Variants in MS4A15 observed in about 807,000 individuals in gnomAD.
The protein encoded by MS4A15 is membrane spanning 4-domains A15.
Under a neutral mutation model 20.6 loss-of-function variants are expected in MS4A15, and 22 were observed. The observed-to-expected ratio is 1.07, with a 90% CI of 0.76 to 1.52. MS4A15 has a LOEUF of 1.52. Ranked by LOEUF, MS4A15 falls within the 40% of genes most tolerant of loss-of-function variation. The pLI is 0.00. For synonymous variants in MS4A15, 129 were observed against 129.3 expected (o/e 1.00, Z 0.02); for missense variants, 312 against 323.0 (o/e 0.97, Z 0.26).
At chr11:60,764,061 G>A in intron 2 of MS4A15, 103 bp downstream of exon 2, 1 of 1,059,486 alleles carries the variant, frequency 9.4e-7, no homozygotes, top group Non-Finnish European at 1.4e-6. Flanking sequence ...TAACAAATAT[G>A]TAGTAATGAC....
chr11:60,765,879 T>A (rs1449625458), intron 2 of MS4A15, among the ~76,000 whole-genome samples: 13 of 14,198 alleles, frequency 9.2e-4, no homozygotes, highest in Non-Finnish European at 1.1e-3. Flanking sequence ...GCTCTCCCCC[T>A]CCAAAAAAAA....
chr11:60,758,458 C>T (rs996152226), intron 1 of MS4A15, among the ~76,000 whole-genome samples: 1 of 152,184 alleles, frequency 6.6e-6, no homozygotes, highest in African/African-American at 2.4e-5. Flanking sequence ...AGCAATAACT[C>T]CAGTCTAAGC....
intron 1 of MS4A15, among the ~76,000 whole-genome samples, chr11:60,760,254 A>G (rs926256525): frequency 6.6e-6 from 1 of 152,236 alleles, no homozygotes; most frequent in East Asian, 1.9e-4. Flanking sequence ...CAAGCTGATC[A>G]TGCTTTTTTT....
chr11:60,760,404 C>G (rs1853708517), intron 1 of MS4A15, among the ~76,000 whole-genome samples: 1 of 152,228 alleles, frequency 6.6e-6, no homozygotes, highest in Non-Finnish European at 1.5e-5. Context: ...CCCACGAGGT[C>G]TGGTGCCTAA....
chr11:60,768,529 C>G (rs568904871), intron 3 of MS4A15, among the ~76,000 whole-genome samples: 3 of 152,312 alleles, frequency 2.0e-5, no homozygotes, highest in African/African-American at 7.2e-5. Context: ...ACCAGAGCCT[C>G]CAGCCGCCCC....
intron 1 of MS4A15, among the ~76,000 whole-genome samples, chr11:60,763,031 A>C (rs1853787648): frequency 6.6e-6 from 1 of 152,212 alleles, no homozygotes; most frequent in Non-Finnish European, 1.5e-5. Context: ...CTTGGCGGAC[A>C]GATGCTGGGG....
At chr11:60,771,918 G>A (rs1440820919) in intron 4 of MS4A15, among the ~76,000 whole-genome samples, 2 of 152,304 alleles carry the variant, frequency 1.3e-5, no homozygotes, top group African/African-American at 4.8e-5. Context: ...ACACGGCAAT[G>A]AAGATCATGA....
At chr11:60,769,337 G>A (rs1192137232) in intron 3 of MS4A15, among the ~76,000 whole-genome samples, 1 of 152,152 alleles carries the variant, frequency 6.6e-6, no homozygotes, top group Non-Finnish European at 1.5e-5. Flanking sequence ...CTAGAAAGCA[G>A]GCTCATAGCT....
At chr11:60,759,348 G>C (rs889076570) in intron 1 of MS4A15, among the ~76,000 whole-genome samples, 2 of 152,222 alleles carry the variant, frequency 1.3e-5, no homozygotes, top group African/African-American at 4.8e-5. Flanking sequence ...AGTATGCTTG[G>C]TAAAAGTCAT....
At chr11:60,767,731 C>T (rs1405248368) in intron 3 of MS4A15, 76 bp downstream of exon 3, 32 of 1,431,246 alleles carry the variant, frequency 2.2e-5, no homozygotes, top group Non-Finnish European at 2.5e-5. Context: ...CGCCCACCCC[C>T]ACCATCCTCC....
intron 3 of MS4A15, 78 bp from the exon 4 acceptor site, chr11:60,771,213 T>A: frequency 6.4e-7 from 1 of 1,556,822 alleles, no homozygotes; most frequent in South Asian, 1.1e-5. Flanking sequence ...CCCTGGCACC[T>A]CTTGACAGAT....
At chr11:60,764,609 C>A (rs1413191323) in intron 2 of MS4A15, among the ~76,000 whole-genome samples, 1 of 152,112 alleles carries the variant, frequency 6.6e-6, no homozygotes, top group African/African-American at 2.4e-5. Context: ...ATACATGTAG[C>A]GTTAAAAAGA....
intron 3 of MS4A15, among the ~76,000 whole-genome samples, chr11:60,769,890 C>A (rs1232518096): frequency 6.6e-6 from 1 of 152,204 alleles, no homozygotes; most frequent in Non-Finnish European, 1.5e-5. Context: ...TGTAGTGACT[C>A]ATTCCTGGTC....
chr11:60,757,788 C>T (rs1853630639), intron 1 of MS4A15, among the ~76,000 whole-genome samples: 1 of 152,196 alleles, frequency 6.6e-6, no homozygotes, highest in Admixed American at 6.5e-5. Flanking sequence ...GTGTCCTCAA[C>T]GCCAACTCCT....
rs151005096 is a variant in MS4A15, at chr11:60,764,885, G to A, written c.225+927G>A. On this transcript the variant is annotated intron_variant, in intron 2 of 6. Coordinates refer to ENST00000405633, the MANE Select transcript of MS4A15 (RefSeq NM_001098835.2). ...GATCATGCCACTGCACTCCAGCCTG[G>A]GTGACAGTGTGAGACCCCATTTAAA... 7.2e-5 allele frequency among the ~76,000 whole-genome samples: 11 copies of A among 152,182 alleles called. No homozygotes were observed. In the East Asian group the frequency reaches 2.1e-3, roughly 29 times the overall value.
chr11:60,769,566 A>G (rs894724840), intron 3 of MS4A15, among the ~76,000 whole-genome samples: 3 of 152,100 alleles, frequency 2.0e-5, no homozygotes, highest in African/African-American at 7.2e-5. Context: ...TTCTAAACCC[A>G]GCTGCCCTCT....
chr11:60,759,314 C>CT (rs946818270), intron 1 of MS4A15, among the ~76,000 whole-genome samples: 5 of 152,248 alleles, frequency 3.3e-5, no homozygotes, highest in African/African-American at 1.2e-4. Context: ...CAGGATGTGC[C>CT]TTGTTAACTA....
intron 3 of MS4A15, among the ~76,000 whole-genome samples, chr11:60,769,203 G>T (rs1361362835): frequency 6.6e-6 from 1 of 152,220 alleles, no homozygotes; most frequent in Non-Finnish European, 1.5e-5. Flanking sequence ...AATCTCAGGA[G>T]ACATGAGCGT....
chr11:60,770,480 C>G (rs1854005923), intron 3 of MS4A15, among the ~76,000 whole-genome samples: 1 of 151,712 alleles, frequency 6.6e-6, no homozygotes, highest in African/African-American at 2.4e-5. Context: ...CGTCTGTAGT[C>G]CCAGCTACTT....
Sources: gnomAD v4.1 joint callset for allele counts (sites outside exome capture counted in the v4.1 genomes callset) on GRCh38, gnomAD v4.1.1 for gene constraint, MANE v1.5 for transcripts, NCBI Gene and HGNC (gene_info 2026-07-23, HGNC 2026-07-21) for gene names.